PCDH15: variants seen among roughly 807,000 people sequenced by gnomAD.
PCDH15 encodes protocadherin-15.
Under a neutral mutation model 178.5 loss-of-function variants are expected in PCDH15, and 129 were observed. The ratio of observed to expected loss-of-function variants is 0.72; its 90% CI spans 0.63 to 0.84. The LOEUF (loss-of-function observed/expected upper bound fraction) is 0.84. PCDH15 is among the 40% of genes least tolerant of loss of function. PCDH15 has a pLI of 0.00. For synonymous variants in PCDH15, 800 were observed against 732.0 expected, an observed-to-expected ratio of 1.09 and a Z score of -1.50; for missense variants, 2,230 against 2,099.9, an observed-to-expected ratio of 1.06 and a Z score of -1.21.
chr10:55,004,808 T>C (rs1839884382), intron 2 of PCDH15, among the ~76,000 whole-genome samples: 1 of 152,190 alleles, frequency 6.6e-6, no homozygotes, highest in Non-Finnish European at 1.5e-5. Flanking sequence ...ATCTCTGGCA[T>C]TTTGATAACA....
At chr10:54,890,356 C>T (rs1046953878) in intron 3 of PCDH15, among the ~76,000 whole-genome samples, 6 of 151,860 alleles carry the variant, frequency 4.0e-5, no homozygotes, top group East Asian at 1.9e-4. Context: ...TTATAAGATA[C>T]ATCAATGAGT....
chr10:54,814,296 A>G (rs1952914791), intron 3 of PCDH15, among the ~76,000 whole-genome samples: 2 of 152,222 alleles, frequency 1.3e-5, no homozygotes, highest in Admixed American at 1.3e-4. Context: ...GGCACAGAGC[A>G]AATAATGGAT....
intron 27 of PCDH15, among the ~76,000 whole-genome samples, chr10:53,864,399 T>C (rs1414869469): frequency 6.6e-6 from 1 of 152,186 alleles, no homozygotes; most frequent in African/African-American, 2.4e-5. Context: ...GATCAAAGGC[T>C]ACTCTCCCTA....
At chr10:53,867,642 G>A (rs895664127) in intron 26 of PCDH15, among the ~76,000 whole-genome samples, 1 of 152,048 alleles carries the variant, frequency 6.6e-6, no homozygotes, top group Admixed American at 6.6e-5. Context: ...GTTGAAAGAT[G>A]GGATTGGTTG....
chr10:55,532,943 C>T (rs900009603), intron 2 of PCDH15, among the ~76,000 whole-genome samples: 4 of 151,974 alleles, frequency 2.6e-5, no homozygotes, highest in Admixed American at 6.6e-5. Context: ...GAACTGACCA[C>T]CATTTTGTAA....
chr10:54,607,256 A>AT (rs1490915508), intron 2 of PCDH15, among the ~76,000 whole-genome samples: 1 of 152,126 alleles, frequency 6.6e-6, no homozygotes, highest in Non-Finnish European at 1.5e-5. Context: ...TCAAAAGATA[A>AT]TTATAAGATT....
chr10:55,093,516 C>T (rs1046223201), intron 2 of PCDH15, among the ~76,000 whole-genome samples: 2 of 151,978 alleles, frequency 1.3e-5, no homozygotes, highest in African/African-American at 4.8e-5. Flanking sequence ...GCTTTTGTTG[C>T]CATTGCTTTT....
At chr10:55,606,860 C>G (rs1383795589) in intron 2 of PCDH15, among the ~76,000 whole-genome samples, 60 of 146,212 alleles carry the variant, frequency 4.1e-4, no homozygotes, top group African/African-American at 1.5e-3. Flanking sequence ...GTCTAAAACA[C>G]CAAAAGCAAT....
At chr10:54,854,446 A>C (rs1456192816) in intron 3 of PCDH15, among the ~76,000 whole-genome samples, 1 of 152,184 alleles carries the variant, frequency 6.6e-6, no homozygotes, top group Non-Finnish European at 1.5e-5. Flanking sequence ...AATGAGGTAC[A>C]TAGACAACTG....
intron 1 of PCDH15, among the ~76,000 whole-genome samples, chr10:54,747,533 T>C (rs916881247): frequency 1.3e-5 from 2 of 152,264 alleles, no homozygotes; most frequent in East Asian, 1.9e-4. Context: ...ATAACTACAG[T>C]TTTATAATAG....
chr10:54,541,443 T>C (rs1173493247), intron 2 of PCDH15, among the ~76,000 whole-genome samples: 1 of 152,192 alleles, frequency 6.6e-6, no homozygotes, highest in East Asian at 1.9e-4. Flanking sequence ...TACTTTCTTT[T>C]TAAAAATTAT....
chr10:54,129,388 A>G (rs2042240345), intron 15 of PCDH15, among the ~76,000 whole-genome samples: 1 of 152,154 alleles, frequency 6.6e-6, no homozygotes, highest in Non-Finnish European at 1.5e-5. Context: ...TTAAATTTAT[A>G]CTTTTGTTTG....
intron 3 of PCDH15, among the ~76,000 whole-genome samples, chr10:54,511,960 C>A (rs566336451): frequency 7.9e-5 from 12 of 151,878 alleles, no homozygotes; most frequent in Non-Finnish European, 1.8e-4. Flanking sequence ...ATACCATAAC[C>A]CTTGATTTTA....
At chr10:54,740,724 T>G (rs905148464) in intron 1 of PCDH15, among the ~76,000 whole-genome samples, 2 of 151,926 alleles carry the variant, frequency 1.3e-5, no homozygotes, top group East Asian at 3.9e-4. Context: ...TGCAGCAACA[T>G]GGATAGAACT....
At chr10:54,963,761 T>C (rs979328975) in intron 2 of PCDH15, among the ~76,000 whole-genome samples, 17 of 152,338 alleles carry the variant, frequency 1.1e-4, no homozygotes, top group African/African-American at 3.6e-4. Flanking sequence ...CTGTATTCTT[T>C]TGGATGTAGT....
intron 8 of PCDH15, among the ~76,000 whole-genome samples, chr10:54,237,531 C>T (rs1175775390): frequency 6.6e-6 from 1 of 151,958 alleles, no homozygotes; most frequent in African/African-American, 2.4e-5. Flanking sequence ...TGGTGTTTCC[C>T]AATTTAATGT....
chr10:55,129,742 C>T (rs372088922), intron 2 of PCDH15, among the ~76,000 whole-genome samples: 1 of 152,168 alleles, frequency 6.6e-6, no homozygotes, highest in African/African-American at 2.4e-5. Flanking sequence ...TTGATAAATA[C>T]TTATTCGTTG....
intron 3 of PCDH15, among the ~76,000 whole-genome samples, chr10:54,482,487 G>C (rs569309344): frequency 2.6e-5 from 4 of 151,848 alleles, no homozygotes; most frequent in African/African-American, 7.2e-5. Flanking sequence ...TAAGTAGAGA[G>C]TGTATTTATT....
intron 1 of PCDH15, among the ~76,000 whole-genome samples, chr10:55,184,624 A>G (rs1430051997): frequency 6.6e-6 from 1 of 152,010 alleles, no homozygotes; most frequent in East Asian, 1.9e-4. Flanking sequence ...CAATACCATC[A>G]ATTTTACAAA....
Sources: allele counts gnomAD v4.1 joint callset (sites outside exome capture counted in the v4.1 genomes callset), GRCh38; gene constraint gnomAD v4.1.1; transcripts MANE v1.5; gene names NCBI Gene and HGNC (gene_info 2026-07-23, HGNC 2026-07-21).